The following GNGT1 variants were observed in gnomAD, a reference collection of about 807,000 sequenced individuals.
The protein encoded by GNGT1 is guanine nucleotide-binding protein G(T) subunit gamma-T1.
Under a neutral mutation model 7.4 loss-of-function variants are expected in GNGT1, and 4 were observed. The ratio of observed to expected loss-of-function variants is 0.54; its 90% CI spans 0.27 to 1.24. The LOEUF (loss-of-function observed/expected upper bound fraction) is 1.24. GNGT1 is among the 50% of genes most tolerant of loss of function. GNGT1 has a pLI of 0.12. For missense variants in GNGT1, 95 were observed against 82.4 expected (o/e 1.15, Z -0.59); for synonymous variants, 37 against 30.2 (o/e 1.23, Z -0.74).
chr7:93,911,064 G>A lies in GNGT1; in HGVS notation c.*146G>A, dbSNP rs1170977002. 31 of 470,386 alleles carry A rather than the reference G, an allele frequency of 6.6e-5. No homozygotes were observed. The highest frequency in any genetic ancestry group is 5.7e-4 in the Middle Eastern group (1 of 1,760). 29.1% of individuals were successfully genotyped at this position (470,386 alleles called of 1,614,324 possible). A position where few individuals can be genotyped will look rare whatever the true frequency, so the allele number is the denominator to read the frequency against. ...TAGATGTAAACTTTTAATAAAAATT[G>A]GGGTGTGGTAACCCATCATTCTATG... On this transcript the variant is annotated 3_prime_UTR_variant, in exon 3 of 3. Transcript: ENST00000248572.
At chr7:93,906,926 C>T in intron 2 of GNGT1, 84 bp downstream of exon 2, 1 of 691,980 alleles carries the variant, frequency 1.4e-6, no homozygotes, top group Non-Finnish European at 2.4e-6. Flanking sequence ...GCTGGAAAGG[C>T]TCAATGTAGT....
intron 2 of GNGT1, among the ~76,000 whole-genome samples, chr7:93,908,988 G>A (rs1228936753): frequency 6.6e-6 from 1 of 152,100 alleles, no homozygotes; most frequent in African/African-American, 2.4e-5. Context: ...TATACACAAA[G>A]CTCTGAGAAC....
intron 2 of GNGT1, 135 bp downstream of exon 2, chr7:93,906,977 G>GTT: frequency 8.0e-6 from 4 of 500,742 alleles, no homozygotes; most frequent in South Asian, 3.0e-5. Context: ...CAAAGATTAA[G>GTT]AAAATTGATA....
intron 2 of GNGT1, 111 bp downstream of exon 2, chr7:93,906,953 A>G: frequency 1.8e-6 from 1 of 570,314 alleles, no homozygotes; most frequent in Non-Finnish European, 3.1e-6. Context: ...TAAATTGTTC[A>G]TCTAAAAATT....
At chr7:93,909,337 A>G in intron 2 of GNGT1, 1 of 510,290 alleles carries the variant, frequency 2.0e-6, no homozygotes, top group South Asian at 3.7e-5. Context: ...CTTAACTAAG[A>G]CTAAATAGCT....
intron 2 of GNGT1, 59 bp downstream of exon 2, chr7:93,906,901 G>C (rs1429762415): frequency 1.1e-6 from 1 of 940,298 alleles, no homozygotes; most frequent in East Asian, 2.7e-5. Flanking sequence ...GGGAGTACCA[G>C]GTTAGAAAAC....
intron 2 of GNGT1, among the ~76,000 whole-genome samples, chr7:93,907,707 T>A (rs1794398299): frequency 6.6e-6 from 1 of 152,208 alleles, no homozygotes; most frequent in African/African-American, 2.4e-5. Context: ...TTTTAAAACA[T>A]CTCATTTTAT....
intron 2 of GNGT1, among the ~76,000 whole-genome samples, chr7:93,907,730 A>G (rs116927004): frequency 2.0e-4 from 30 of 152,302 alleles, no homozygotes; most frequent in Non-Finnish European, 4.3e-4. Flanking sequence ...GGACAAAGTA[A>G]AAAAGGATCT....
In GNGT1 at chr7:93,910,841, G is replaced by C. The variant is rs17243826; in HGVS notation, c.148G>C (p.Glu50Gln). 0.02 allele frequency: 32,036 copies of C among 1,604,900 alleles called. 623 individuals carry two copies. The highest frequency in any genetic ancestry group is 0.099 in the African/African-American group (7,365 of 74,738). ...AGATTACGTTGAAGAACGATCTGGC[G>C]AGGATCCACTGGTAAAGGGCATCCC... Reference protein sequence around the residue: ...VRDYVEERSGEDPLVKGIPED... With the variant: ...VRDYVEERSGQDPLVKGIPED... Residue 50 changes from glutamate to glutamine, a missense_variant, in exon 3 of 3, where the codon GAG becomes CAG. Coordinates refer to ENST00000248572, the MANE Select transcript of GNGT1 (RefSeq NM_021955.5).
chr7:93,906,966 T>A, intron 2 of GNGT1, 124 bp downstream of exon 2: 1 of 517,162 alleles, frequency 1.9e-6, no homozygotes, highest in Non-Finnish European at 3.4e-6. Flanking sequence ...TAAAAATTTA[T>A]CAAAGATTAA....
intron 2 of GNGT1, among the ~76,000 whole-genome samples, chr7:93,908,931 T>C (rs1245002031): frequency 1.3e-5 from 2 of 152,192 alleles, no homozygotes; most frequent in African/African-American, 4.8e-5. Flanking sequence ...ATAGCGATAG[T>C]AATAGCATTT....
At chr7:93,907,457 T>A (rs1004262198) in intron 2 of GNGT1, among the ~76,000 whole-genome samples, 2 of 152,146 alleles carry the variant, frequency 1.3e-5, no homozygotes, top group African/African-American at 2.4e-5. Flanking sequence ...CTTTGGCAAA[T>A]AAAGATGAGT....
chr7:93,910,565 CT>C, intron 2 of GNGT1: 1 of 225,940 alleles, frequency 4.4e-6, no homozygotes, highest in Non-Finnish European at 8.7e-6. Flanking sequence ...GAATCTTTAG[CT>C]GGAGTGTGGC....
intron 2 of GNGT1, among the ~76,000 whole-genome samples, chr7:93,908,711 G>T (rs1251652688): frequency 6.6e-6 from 1 of 151,576 alleles, no homozygotes; most frequent in Non-Finnish European, 1.5e-5. Context: ...CAGGTCCTGA[G>T]CCCCTAGCTC....
chr7:93,908,619 A>G (rs1438005730), intron 2 of GNGT1, among the ~76,000 whole-genome samples: 1 of 151,852 alleles, frequency 6.6e-6, no homozygotes, highest in Non-Finnish European at 1.5e-5. Context: ...TAGTGTGTAG[A>G]AATATGTATG....
chr7:93,910,851 T>TGGCGA lies in GNGT1; in HGVS notation c.160_161insCGAGG (p.Val54AlafsTer3). 6.2e-7 allele frequency: 1 copy of TGGCGA among 1,608,318 alleles called. No individual in the cohort carries two copies. The highest frequency in any genetic ancestry group is 1.3e-5 in the African/African-American group (1 of 74,914). On this transcript the variant is annotated frameshift_variant, in exon 3 of 3. Coordinates refer to ENST00000248572, the MANE Select transcript of GNGT1 (RefSeq NM_021955.5). LOFTEE classifies it high-confidence loss of function. ...GAAGAACGATCTGGCGAGGATCCAC[T>TGGCGA]GGTAAAGGGCATCCCAGAGGACAAA...
rs774254934 is a variant in GNGT1, at chr7:93,911,021, C to A, written c.*103C>A. 8.4e-6 allele frequency: 6 copies of A among 717,414 alleles called. No homozygotes were observed. The highest frequency in any genetic ancestry group is 1.2e-5 in the Non-Finnish European group (6 of 485,002). The allele number at this position is 717,414 out of a possible 1,614,324, so 44.4% of individuals were successfully genotyped here. A position where few individuals can be genotyped will look rare whatever the true frequency, so the allele number is the denominator to read the frequency against. On this transcript the variant is annotated 3_prime_UTR_variant, in exon 3 of 3. Coordinates refer to ENST00000248572, the MANE Select transcript of GNGT1 (RefSeq NM_021955.5). Reference sequence around the variant, plus strand: ...GCATACTATTACTACTAAGCATGTACGTGAATTTTTAAATTTATAGATGTA... The same window carrying A: ...GCATACTATTACTACTAAGCATGTAAGTGAATTTTTAAATTTATAGATGTA...
At chr7:93,907,962 T>G (rs2115892670) in intron 2 of GNGT1, among the ~76,000 whole-genome samples, 2 of 152,308 alleles carry the variant, frequency 1.3e-5, no homozygotes, top group Non-Finnish European at 2.9e-5. Context: ...AAAATGAACT[T>G]TTAGGATAAA....
At chr7:93,910,494 G>A (rs1794445761) in intron 2 of GNGT1, 1 of 168,622 alleles carries the variant, frequency 5.9e-6, no homozygotes, top group Non-Finnish European at 1.3e-5. Flanking sequence ...GACTTCTGTT[G>A]CCAGCTGTGT....
Sources: gnomAD v4.1 joint callset for allele counts (sites outside exome capture counted in the v4.1 genomes callset) on GRCh38, gnomAD v4.1.1 for gene constraint, MANE v1.5 for transcripts, NCBI Gene and HGNC (gene_info 2026-07-23, HGNC 2026-07-21) for gene names.